Variants in RPH3A observed in about 807,000 individuals in gnomAD.
RPH3A encodes rabphilin 3A.
A neutral mutation model predicts 102.2 loss-of-function variants in RPH3A; 48 were observed. The ratio of observed to expected loss-of-function variants is 0.47; its 90% CI spans 0.37 to 0.60. The LOEUF (loss-of-function observed/expected upper bound fraction) is 0.60. Among genes scored for constraint, RPH3A ranks in the 20% least tolerant of loss-of-function variants. RPH3A has a pLI of 0.00. For synonymous variants in RPH3A, 310 were observed against 324.3 expected, an observed-to-expected ratio of 0.96 and a Z score of 0.47; for missense variants, 781 against 910.1, an observed-to-expected ratio of 0.86 and a Z score of 1.83.
intron 1 of RPH3A, among the ~76,000 whole-genome samples, chr12:112,591,930 C>T (rs2039482013): frequency 6.6e-6 from 1 of 152,146 alleles, no homozygotes; most frequent in African/African-American, 2.4e-5. Flanking sequence ...CTAGGACCCC[C>T]TTGGATACCA....
chr12:112,781,389 C>T (rs1232050640), intron 1 of RPH3A, among the ~76,000 whole-genome samples: 3 of 152,250 alleles, frequency 2.0e-5, no homozygotes, highest in Admixed American at 1.3e-4. Flanking sequence ...GACTGTTCCA[C>T]GTGGCTGCGA....
intron 1 of RPH3A, among the ~76,000 whole-genome samples, chr12:112,618,814 G>A (rs1475695234): frequency 6.6e-6 from 1 of 152,014 alleles, no homozygotes; most frequent in East Asian, 1.9e-4. Flanking sequence ...AGAACATTTT[G>A]GTCTCTCCTA....
chr12:112,593,847 T>C (rs940874023), intron 1 of RPH3A, among the ~76,000 whole-genome samples: 3 of 152,232 alleles, frequency 2.0e-5, no homozygotes, highest in African/African-American at 7.2e-5. Flanking sequence ...TTGACTTTAA[T>C]GCCACCTCCT....
chr12:112,839,790 C>G (rs2042112463), intron 4 of RPH3A, among the ~76,000 whole-genome samples: 1 of 152,158 alleles, frequency 6.6e-6, no homozygotes, highest in Non-Finnish European at 1.5e-5. Context: ...GAATTCGAGA[C>G]CAGCCTGGCC....
intron 1 of RPH3A, among the ~76,000 whole-genome samples, chr12:112,716,273 T>A (rs181944742): frequency 7.1e-4 from 108 of 152,290 alleles, no homozygotes; most frequent in South Asian, 1.2e-3. Context: ...CTCAGCCTTA[T>A]GTTACCCAGC....
intron 1 of RPH3A, among the ~76,000 whole-genome samples, chr12:112,728,226 T>A (rs1348644531): frequency 6.6e-6 from 1 of 152,198 alleles, no homozygotes; most frequent in Non-Finnish European, 1.5e-5. Context: ...TGGCAATTTA[T>A]CACCAGTTTC....
upstream of RPH3A, among the ~76,000 whole-genome samples, chr12:112,789,416 A>G (rs867486319): frequency 6.6e-6 from 1 of 152,208 alleles, no homozygotes; most frequent in Non-Finnish European, 1.5e-5. Context: ...AACTTGTAGA[A>G]TGCATTTGAA....
intron 1 of RPH3A, among the ~76,000 whole-genome samples, chr12:112,694,105 C>T (rs1056550821): frequency 5.9e-5 from 9 of 152,206 alleles, no homozygotes; most frequent in South Asian, 2.1e-4. Flanking sequence ...TCAGCGCTGC[C>T]GCTGCCTGGT....
At chr12:112,828,963 G>A (rs1258890638) in intron 3 of RPH3A, among the ~76,000 whole-genome samples, 1 of 152,172 alleles carries the variant, frequency 6.6e-6, no homozygotes, top group African/African-American at 2.4e-5. Flanking sequence ...AAGACAAGTA[G>A]CAGCTCATAT....
At chr12:112,887,618 G>T (rs2043024097) in intron 16 of RPH3A, among the ~76,000 whole-genome samples, 179 bp from the exon 17 acceptor site, 1 of 152,222 alleles carries the variant, frequency 6.6e-6, no homozygotes, top group Non-Finnish European at 1.5e-5. Context: ...CTGCATGTCA[G>T]TTATACTGCA....
intron 1 of RPH3A, among the ~76,000 whole-genome samples, chr12:112,724,825 C>T (rs1039244426): frequency 6.6e-6 from 1 of 151,968 alleles, no homozygotes; most frequent in Non-Finnish European, 1.5e-5. Context: ...AAAAATTAGC[C>T]AGGCGTGGTG....
chr12:112,699,787 GA>G (rs1474160939), intron 1 of RPH3A, among the ~76,000 whole-genome samples: 1 of 152,146 alleles, frequency 6.6e-6, no homozygotes, highest in East Asian at 1.9e-4. Context: ...ATATAAAAGT[GA>G]AAAATAAAAA....
rs1335708811 is a variant in RPH3A at position 112,897,910 on chromosome 12, GTCTGAGGAAGCC to G, written c.*1133_*1144del. On this transcript the variant is annotated 3_prime_UTR_variant, in exon 22 of 22. Transcript: ENST00000389385. The stretch of plus-strand genomic sequence containing the variant: ...GGCATTTAGAAGACCAGGGCCATGG[GTCTGAGGAAGCC>G]TCAGCCAAAGCCTCCAGCCTTTCTC... The G allele has an allele frequency of 1.3e-5, 2 of 152,344 alleles. No homozygotes were observed. The highest frequency in any genetic ancestry group is 3.9e-4 in the East Asian group (2 of 5,194). 9.4% of individuals were successfully genotyped at this position (152,344 alleles called of 1,614,324 possible).
chr12:112,734,428 A>T (rs2040654412), intron 1 of RPH3A, among the ~76,000 whole-genome samples: 1 of 152,208 alleles, frequency 6.6e-6, no homozygotes, highest in African/African-American at 2.4e-5. Context: ...TCATTACGTG[A>T]CGTGTGACTG....
intron 1 of RPH3A, among the ~76,000 whole-genome samples, chr12:112,617,005 C>T (rs1446154144): frequency 1.3e-5 from 2 of 152,184 alleles, no homozygotes; most frequent in Non-Finnish European, 2.9e-5. Flanking sequence ...TCCCCATCCT[C>T]ACCTCTGGCT....
intron 1 of RPH3A, among the ~76,000 whole-genome samples, chr12:112,591,363 A>G (rs1020323552): frequency 2.0e-5 from 3 of 152,162 alleles, no homozygotes; most frequent in African/African-American, 7.2e-5. Context: ...TGGGATTGCA[A>G]GTGTGTGTGA....
At chr12:112,667,912 T>A (rs768707134) in intron 1 of RPH3A, among the ~76,000 whole-genome samples, 1 of 152,174 alleles carries the variant, frequency 6.6e-6, no homozygotes, top group East Asian at 1.9e-4. Flanking sequence ...GAGAAGGAAC[T>A]AATAAAATGT....
At chr12:112,840,013 T>A (rs964381304) in intron 4 of RPH3A, among the ~76,000 whole-genome samples, 1 of 151,968 alleles carries the variant, frequency 6.6e-6, no homozygotes, top group Admixed American at 6.6e-5. Flanking sequence ...GAAAAGAAGA[T>A]AGACCCTGAC....
chr12:112,847,414 G>A (rs1423919006), intron 4 of RPH3A, among the ~76,000 whole-genome samples: 2 of 152,206 alleles, frequency 1.3e-5, no homozygotes, highest in Non-Finnish European at 2.9e-5. Context: ...AGTTGTAGAA[G>A]TCTACTGTTC....
Sources: allele counts gnomAD v4.1 joint callset (sites outside exome capture counted in the v4.1 genomes callset), GRCh38; gene constraint gnomAD v4.1.1; transcripts MANE v1.5; gene names NCBI Gene and HGNC (gene_info 2026-07-23, HGNC 2026-07-21).